DMD: variants seen among roughly 807,000 people sequenced by gnomAD.
DMD encodes mutant dystrophin.
A neutral mutation model predicts 330.1 loss-of-function variants in DMD; 63 were observed. That is an observed-to-expected ratio of 0.19 (90% CI 0.16 to 0.24). The LOEUF (loss-of-function observed/expected upper bound fraction) is 0.24. DMD is among the 10% of genes least tolerant of loss of function. The pLI, the probability that DMD is intolerant of heterozygous loss-of-function variation, is 1.00. For missense variants in DMD, 3,344 were observed against 2,684.1 expected, an observed-to-expected ratio of 1.25 and a Z score of -5.43; for synonymous variants, 1,223 against 959.8, an observed-to-expected ratio of 1.27 and a Z score of -5.07.
intron 60 of DMD, among the ~76,000 whole-genome samples, chrX:31,437,157 G>A (rs928990925): frequency 8.9e-6 from 1 of 111,744 alleles, no homozygotes; most frequent in African/African-American, 3.2e-5. Flanking sequence ...CATAATAAAA[G>A]TACTACTTAG....
intron 76 of DMD, among the ~76,000 whole-genome samples, chrX:31,136,742 A>G (rs1314488547): frequency 8.9e-6 from 1 of 112,546 alleles, no homozygotes; most frequent in Non-Finnish European, 1.9e-5. Context: ...ATCAAATTAT[A>G]AAGTATAAAC....
At chrX:33,084,997 G>T (rs1019305679) in intron 1 of DMD, among the ~76,000 whole-genome samples, 6 of 110,032 alleles carry the variant, frequency 5.5e-5, no homozygotes, top group Non-Finnish European at 1.1e-4. Context: ...TGGGGTGGGG[G>T]TGGTGAGTTA....
intron 16 of DMD, among the ~76,000 whole-genome samples, chrX:32,545,743 T>TTA (rs1233144448): frequency 9.0e-6 from 1 of 111,651 alleles, no homozygotes; most frequent in African/African-American, 3.3e-5. Flanking sequence ...TAAATGCTTA[T>TTA]TAATAGTTTG....
At chrX:32,183,337 T>G (rs1011103246) in intron 44 of DMD, among the ~76,000 whole-genome samples, 3 of 109,572 alleles carry the variant, frequency 2.7e-5, no homozygotes, top group Non-Finnish European at 5.7e-5. Context: ...TTGAAGAAAA[T>G]AAACAAGTGA....
At chrX:32,931,309 A>G (rs1196453598) in intron 2 of DMD, among the ~76,000 whole-genome samples, 1 of 111,432 alleles carries the variant, frequency 9.0e-6, no homozygotes, top group Non-Finnish European at 1.9e-5. Context: ...GTTGTGCAAC[A>G]GAGAAACTGT....
In DMD at chrX:32,372,580, T is replaced by C. The variant is rs752187717; in HGVS notation, c.4846-7381A>G. ...CTGAACATTTATGGGGTGATAAATA[T>C]CACTGTGATGGCTGCCTCGTGGCAT... On this transcript the variant is annotated intron_variant, in intron 34 of 78. Transcript: ENST00000357033. Among the ~76,000 whole-genome samples, 4 of 111,733 alleles carry C rather than the reference T, an allele frequency of 3.6e-5. No homozygotes were observed. In the Admixed American group the frequency reaches 3.8e-4, roughly 11 times the overall value.
chrX:32,148,181 A>G (rs1353094569), intron 44 of DMD, among the ~76,000 whole-genome samples: 2 of 110,893 alleles, frequency 1.8e-5, no homozygotes, highest in East Asian at 5.7e-4. Context: ...CCGGCCAAAA[A>G]ATTTCTTATT....
chrX:32,855,322 CAAAG>C (rs2081461037), intron 2 of DMD, among the ~76,000 whole-genome samples: 1 of 111,755 alleles, frequency 8.9e-6, no homozygotes, highest in Non-Finnish European at 1.9e-5. Context: ...CTAGCTAGAT[CAAAG>C]AAAGAAACAA....
At chrX:32,171,150 C>T (rs2096886160) in intron 44 of DMD, among the ~76,000 whole-genome samples, 1 of 111,368 alleles carries the variant, frequency 9.0e-6, no homozygotes, top group African/African-American at 3.3e-5. Context: ...AAAATTAATA[C>T]ATATTTTATT....
At chrX:32,631,768 T>C (rs1486570887) in intron 11 of DMD, among the ~76,000 whole-genome samples, 2 of 111,278 alleles carry the variant, frequency 1.8e-5, no homozygotes, top group African/African-American at 6.6e-5. Flanking sequence ...ACTAAGAGGA[T>C]AGTGCTAAAC....
intron 7 of DMD, among the ~76,000 whole-genome samples, chrX:32,787,247 T>TGTGTGA (rs1322043646): frequency 6.4e-5 from 5 of 77,578 alleles, no homozygotes; most frequent in South Asian, 1.3e-3. Context: ...TGTGTGTGTG[T>TGTGTGA]GAGAGAGAGA....
At chrX:33,001,192 A>G (rs2093270865) in intron 2 of DMD, among the ~76,000 whole-genome samples, 1 of 111,661 alleles carries the variant, frequency 9.0e-6, no homozygotes, top group Non-Finnish European at 1.9e-5. Flanking sequence ...AGTGACTACA[A>G]TGTGACTTTC....
intron 44 of DMD, among the ~76,000 whole-genome samples, chrX:31,988,188 T>A (rs1215724418): frequency 2.7e-5 from 3 of 110,383 alleles, no homozygotes; most frequent in African/African-American, 9.9e-5. Context: ...AAAGTGCTAT[T>A]TAAGCCGGGC....
chrX:32,812,256 T>C (rs556576058), intron 6 of DMD, among the ~76,000 whole-genome samples: 15 of 111,631 alleles, frequency 1.3e-4, no homozygotes, highest in African/African-American at 4.9e-4. Flanking sequence ...GAGCTCATGC[T>C]ATGCAAAAAC....
At chrX:31,228,743 C>T (rs1347635288) in intron 63 of DMD, among the ~76,000 whole-genome samples, 3 of 112,153 alleles carry the variant, frequency 2.7e-5, no homozygotes, top group Non-Finnish European at 5.6e-5. Context: ...CTAGCTCTCA[C>T]AGCCGGAACT....
intron 47 of DMD, among the ~76,000 whole-genome samples, chrX:31,903,135 T>C (rs921081857): frequency 8.9e-6 from 1 of 112,224 alleles, no homozygotes; most frequent in South Asian, 3.6e-4. Context: ...TTAATTTTAA[T>C]GTTATATTTT....
chrX:32,823,426 C>A, intron 4 of DMD, 39 bp from the exon 5 acceptor site: 4 of 898,823 alleles, frequency 4.5e-6, no homozygotes, highest in Non-Finnish European at 6.5e-6. Flanking sequence ...AGGTAAGAGA[C>A]CAAATGCCTA....
chrX:31,182,914 C>CAGGAGGGAGAGAGA lies in DMD; in HGVS notation c.9808-24_9808-11dup. 2 of 1,202,973 alleles carry CAGGAGGGAGAGAGA rather than the reference C, an allele frequency of 1.7e-6. No homozygotes were observed. Among genetic ancestry groups the CAGGAGGGAGAGAGA allele is most frequent in the Non-Finnish European group, 2.2e-6 (2 of 890,482 alleles). ...CTGGCTTATTATTAGCCTGCAAAGACAGGAGGGAGAGAGAAGGAGGGCAAA... is the reference window on the plus strand; with the variant it reads ...CTGGCTTATTATTAGCCTGCAAAGACAGGAGGGAGAGAGAAGGAGGGAGAGAGAAGGAGGGCAAA... On this transcript the variant is annotated splice_polypyrimidine_tract_variant and intron_variant, in intron 67 of 78. Coordinates refer to ENST00000357033, the MANE Select transcript of DMD (RefSeq NM_004006.3).
Position 32,336,030 on chromosome X carries a change from G to A in DMD, c.5922+6070C>T, listed in dbSNP as rs1423659593. 4.1e-5 allele frequency among the ~76,000 whole-genome samples: 4 copies of A among 96,952 alleles called. No individual in the cohort carries two copies. The East Asian group carries it at 9.7e-4, about 24-fold the overall frequency. The allele number at this position is 96,952 out of a possible 115,157, so 84.2% of individuals were successfully genotyped here. ...GTTATATATAACGTGTATATATAAC[G>A]TTATATATAACGTGTATATATAACG... On this transcript the variant is annotated intron_variant, in intron 41 of 78. Coordinates refer to ENST00000357033, the MANE Select transcript of DMD (RefSeq NM_004006.3).
Sources: allele counts gnomAD v4.1 joint callset (sites outside exome capture counted in the v4.1 genomes callset), GRCh38; gene constraint gnomAD v4.1.1; transcripts MANE v1.5; gene names NCBI Gene and HGNC (gene_info 2026-07-23, HGNC 2026-07-21).